Variants in PMS1 observed in about 807,000 individuals in gnomAD.
PMS1 encodes PMS1 homolog 1, mismatch repair system component, also known as PMS1 protein homolog 1.
A neutral mutation model predicts 93.1 loss-of-function variants in PMS1; 79 were observed. The ratio of observed to expected loss-of-function variants is 0.85; its 90% CI spans 0.71 to 1.02. The LOEUF (loss-of-function observed/expected upper bound fraction) is 1.02, where lower values mean the gene tolerates loss of function less well. PMS1 is among the 50% of genes least tolerant of loss of function. The pLI is 0.00. For missense variants in PMS1, 1,064 were observed against 1,085.3 expected (o/e 0.98, Z 0.28); for synonymous variants, 335 against 363.4 (o/e 0.92, Z 0.89).
chr2:189,853,114 C>T (rs976657736), intron 7 of PMS1, among the ~76,000 whole-genome samples: 10 of 152,132 alleles, frequency 6.6e-5, no homozygotes, highest in South Asian at 2.1e-4. Flanking sequence ...TGGCGTGTCC[C>T]GTGATCTTGG....
intron 9 of PMS1, among the ~76,000 whole-genome samples, chr2:189,858,450 C>T (rs2055589511): frequency 6.6e-6 from 1 of 152,134 alleles, no homozygotes; most frequent in South Asian, 2.1e-4. Flanking sequence ...TAATATTTTC[C>T]ATTCAAGTTA....
chr2:189,851,736 T>C (rs1395020157), intron 6 of PMS1, among the ~76,000 whole-genome samples: 1 of 152,194 alleles, frequency 6.6e-6, no homozygotes, highest in East Asian at 1.9e-4. Context: ...TGAGTGTTCC[T>C]TGACAGATTA....
In PMS1 at chr2:189,877,352, G is replaced by C; in HGVS notation, c.2715G>C (p.Lys905Asn). 1.2e-6 allele frequency: 2 copies of C among 1,612,812 alleles called. No individual in the cohort carries two copies. The highest frequency in any genetic ancestry group is 1.7e-6 in the Non-Finnish European group (2 of 1,178,826). Residue 905 changes from lysine to asparagine, a missense_variant, in exon 13 of 13, where the codon AAG becomes AAC. By Grantham distance (94) the Lys-to-Asn change is moderately conservative (BLOSUM62 0). Coordinates refer to ENST00000441310, the MANE Select transcript of PMS1 (RefSeq NM_000534.5). ...EDIQDIIYRM[K>N]HQFGNEIKEC... The stretch of plus-strand genomic sequence containing the variant: ...TCCAAGACATTATCTACAGAATGAA[G>C]CACCAGTTTGGAAATGAAATTAAAG...
At chr2:189,830,708 A>G (rs1429698746) in intron 5 of PMS1, among the ~76,000 whole-genome samples, 1 of 152,238 alleles carries the variant, frequency 6.6e-6, no homozygotes, top group Non-Finnish European at 1.5e-5. Context: ...AGGGCTGACA[A>G]CAGGATCAAG....
intron 4 of PMS1, among the ~76,000 whole-genome samples, chr2:189,811,726 A>G (rs761412230): frequency 6.6e-6 from 1 of 152,250 alleles, no homozygotes; most frequent in Non-Finnish European, 1.5e-5. Context: ...AAAAATAAAC[A>G]GAACCACAGC....
chr2:189,863,018 A>T (rs1299467341), intron 9 of PMS1, among the ~76,000 whole-genome samples: 1 of 152,108 alleles, frequency 6.6e-6, no homozygotes, highest in African/African-American at 2.4e-5. Context: ...ATAAGAGTGC[A>T]ACTTTCTGAC....
chr2:189,817,629 A>G (rs1346097222), intron 4 of PMS1, among the ~76,000 whole-genome samples: 2 of 152,234 alleles, frequency 1.3e-5, no homozygotes, highest in Non-Finnish European at 2.9e-5. Flanking sequence ...TTCCAGTAAC[A>G]TAAGGTTATT....
At chr2:189,785,793 C>T (rs1431006940) in intron 1 of PMS1, among the ~76,000 whole-genome samples, 1 of 152,094 alleles carries the variant, frequency 6.6e-6, no homozygotes, top group African/African-American at 2.4e-5. Context: ...GAGAGAGAAC[C>T]ATGTGAGCTG....
intron 9 of PMS1, among the ~76,000 whole-genome samples, chr2:189,858,674 A>G (rs1228955707): frequency 6.6e-6 from 1 of 152,150 alleles, no homozygotes; most frequent in Non-Finnish European, 1.5e-5. Flanking sequence ...TCTAAGAGCT[A>G]AAAATACTAT....
At chr2:189,830,095 A>G (rs1449967979) in intron 5 of PMS1, among the ~76,000 whole-genome samples, 2 of 152,184 alleles carry the variant, frequency 1.3e-5, no homozygotes, top group African/African-American at 4.8e-5. Flanking sequence ...TTTTCTGTAT[A>G]GAGTCAGATG....
At chr2:189,840,407 C>T (rs1260939904) in intron 5 of PMS1, among the ~76,000 whole-genome samples, 1 of 152,224 alleles carries the variant, frequency 6.6e-6, no homozygotes, top group Non-Finnish European at 1.5e-5. Flanking sequence ...GAGTAGGTTA[C>T]AGCCTGTTGA....
chr2:189,818,121 C>T lies in PMS1; in HGVS notation c.523C>T (p.Leu175Phe), dbSNP rs749915619. 1 of 1,608,690 alleles carries T rather than the reference C, an allele frequency of 6.2e-7. No homozygotes were observed. The highest frequency in any genetic ancestry group is 2.2e-5 in the East Asian group (1 of 44,770). ...CKDEIKKIQD[L>F]LMSFGILKPD... ...AGATGAAATAAAAAAGATCCAAGAT[C>T]TCCTCATGAGCTTTGGTATCCTTAA... Residue 175 changes from leucine (L) to phenylalanine (F), a missense_variant, in exon 5 of 13, where the codon CTC becomes TTC. Physicochemically the swap from Leu to Phe is conservative, Grantham distance 22 (BLOSUM62 0). Transcript: ENST00000441310.
intron 6 of PMS1, among the ~76,000 whole-genome samples, chr2:189,851,388 T>C (rs2054706974): frequency 6.6e-6 from 1 of 152,230 alleles, no homozygotes; most frequent in Admixed American, 6.5e-5. Context: ...CAGCAGGTGC[T>C]TTAAGAAGGG....
chr2:189,821,319 G>A (rs2051847543), intron 5 of PMS1, among the ~76,000 whole-genome samples: 1 of 151,914 alleles, frequency 6.6e-6, no homozygotes, highest in Non-Finnish European at 1.5e-5. Flanking sequence ...ACCAGGCATG[G>A]TGGCATGCGC....
At chr2:189,814,488 C>A (rs1348058435) in intron 4 of PMS1, among the ~76,000 whole-genome samples, 1 of 150,854 alleles carries the variant, frequency 6.6e-6, no homozygotes, top group Non-Finnish European at 1.5e-5. Flanking sequence ...AATTTCCTTT[C>A]AAAAATTGCA....
At chr2:189,838,608 C>T (rs1206682149) in intron 5 of PMS1, among the ~76,000 whole-genome samples, 1 of 152,184 alleles carries the variant, frequency 6.6e-6, no homozygotes, top group African/African-American at 2.4e-5. Flanking sequence ...TGGAGTCAGT[C>T]ATCAAGCCCA....
chr2:189,854,197 T>G lies in PMS1; in HGVS notation c.967-42T>G, dbSNP rs5743136. ...TTATTATTTAAAATCTTGTCTATTA[T>G]TTTCATAATTTCCCCTAACATTTGT... On this transcript the variant is annotated intron_variant, in intron 8 of 12. Transcript: ENST00000441310. The G allele has an allele frequency of 1.0e-3, 1,503 of 1,479,208 alleles. 29 individuals carry two copies. In the East Asian group the frequency reaches 0.033, roughly 32 times the overall value. 91.6% of individuals were successfully genotyped at this position (1,479,208 alleles called of 1,614,324 possible). A position where few individuals can be genotyped will look rare whatever the true frequency, so the allele number is the denominator to read the frequency against.
chr2:189,818,002 C>G lies in PMS1; in HGVS notation c.419-15C>G, dbSNP rs2051475555. On this transcript the variant is annotated splice_polypyrimidine_tract_variant and intron_variant, in intron 4 of 12. Transcript: ENST00000441310. ...CTTCCAAATCTAAATGTGCTTTTCT[C>G]TTGTCTGCCAACAGGTACAACTGTA... is the stretch of plus-strand genomic sequence containing the variant. 1 of 1,596,952 alleles carries G rather than the reference C, an allele frequency of 6.3e-7. No individual in the cohort carries two copies. Among genetic ancestry groups the G allele is most frequent in the African/African-American group, 1.3e-5 (1 of 74,682 alleles).
chr2:189,868,338 G>A (rs546952350), intron 11 of PMS1, among the ~76,000 whole-genome samples: 1 of 152,262 alleles, frequency 6.6e-6, no homozygotes, highest in South Asian at 2.1e-4. Context: ...CCAATTAGAC[G>A]TGTAACATCA....
Sources: allele counts gnomAD v4.1 joint callset (sites outside exome capture counted in the v4.1 genomes callset), GRCh38; gene constraint gnomAD v4.1.1; transcripts MANE v1.5; gene names NCBI Gene and HGNC (gene_info 2026-07-23, HGNC 2026-07-21).